MORN2: variants seen among roughly 807,000 people sequenced by gnomAD.
MORN2 encodes the protein MORN repeat containing 2, also known as MORN repeat-containing protein 2.
MORN2 carries 15 observed loss-of-function variants against 13.4 expected under a neutral mutation model. The ratio of observed to expected loss-of-function variants is 1.12; its 90% confidence interval spans 0.75 to 1.72. The LOEUF is 1.72. Ranked by LOEUF, MORN2 falls within the 40% of genes most tolerant of loss-of-function variation. The pLI is 0.00. For synonymous variants in MORN2, 46 were observed against 43.6 expected (o/e 1.06, Z -0.22); for missense variants, 168 against 134.6 (o/e 1.25, Z -1.23).
intron 2 of MORN2, 74 bp from the exon 3 acceptor site, chr2:38,880,526 A>G (rs1665749779): frequency 3.3e-6 from 3 of 899,304 alleles, no homozygotes; most frequent in East Asian, 6.0e-5. Flanking sequence ...AAAGAAACCC[A>G]TGAGGTGTAG....
intron 4 of MORN2, among the ~76,000 whole-genome samples, chr2:38,881,985 C>A (rs889410262): frequency 9.2e-5 from 14 of 152,302 alleles, no homozygotes; most frequent in Admixed American, 3.9e-4. Context: ...TCTAAATATT[C>A]TTTTATGATA....
intron 1 of MORN2, 122 bp downstream of exon 1, chr2:38,876,232 G>A: frequency 2.5e-6 from 1 of 396,948 alleles, no homozygotes; most frequent in Non-Finnish European, 4.4e-6. Flanking sequence ...TTTCCTGACC[G>A]TCTAGCCGAG....
intron 2 of MORN2, 22 bp downstream of exon 2, chr2:38,880,251 T>G (rs1417521453): frequency 7.5e-6 from 3 of 399,212 alleles, no homozygotes; most frequent in Non-Finnish European, 1.3e-5. Context: ...CTTCAATTAC[T>G]TTTTCTGTAT....
At position 38,881,482 on chromosome 2, in the gene MORN2, T is replaced by C. The variant is rs1665776313; in HGVS notation, c.257T>C (p.Val86Ala). 6.5e-7 allele frequency: 1 copy of C among 1,545,456 alleles called. No individual in the cohort carries two copies. Among genetic ancestry groups the C allele is most frequent in the Non-Finnish European group, 8.7e-7 (1 of 1,145,008 alleles). ...AGACTTGAGCATTTTTCAGGAGCAG[T>C]ATATGAAGGACAATTTAAGGATAAT... Residue 86 changes from valine to alanine, a missense_variant, in exon 4 of 5, where the codon GTA (valine) becomes GCA (alanine). Physicochemically the swap from Val to Ala is moderately conservative, Grantham distance 64. Transcript: ENST00000644631.
chr2:38,880,002 G>A lies in MORN2; in HGVS notation c.59-177G>A, dbSNP rs149637020. ...GGTATAGGTCTTATGACATAAGAAT[G>A]TTTACACTTGGTTGGGTGTGGTGGC... On this transcript the variant is annotated intron_variant, in intron 1 of 4. Coordinates refer to ENST00000644631, the MANE Select transcript of MORN2 (RefSeq NM_001145450.3). Among the ~76,000 whole-genome samples, 884 of 152,322 alleles carry A rather than the reference G, an allele frequency of 5.8e-3. 12 individuals carry two copies. Among genetic ancestry groups the A allele is most frequent in the African/African-American group, 0.02 (812 of 41,572 alleles).
At position 38,876,211 on chromosome 2, in the gene MORN2, G is replaced by T. The variant is rs528620199; in HGVS notation, c.58+101G>T. 171 of 398,158 alleles carry T rather than the reference G, an allele frequency of 4.3e-4. 3 individuals carry two copies. The East Asian group carries it at 5.4e-3, about 13-fold the overall frequency. 24.7% of individuals were successfully genotyped at this position (398,158 alleles called of 1,614,324 possible). ...CTTGGCTCCCGGTAACTCCTGTGGGGGTGTGATATATTTCCTGACCGTCTA... is the reference window on the plus strand; with the variant it reads ...CTTGGCTCCCGGTAACTCCTGTGGGTGTGTGATATATTTCCTGACCGTCTA... On this transcript the variant is annotated intron_variant, in intron 1 of 4. Coordinates refer to ENST00000644631, the MANE Select transcript of MORN2 (RefSeq NM_001145450.3).
rs1178282457 is a variant in MORN2 at position 38,881,592 on chromosome 2, A to T, written c.353+14A>T. The T allele has an allele frequency of 6.5e-6, 9 of 1,393,376 alleles. No individual in the cohort carries two copies. In the East Asian group the frequency reaches 2.2e-4, roughly 34 times the overall value. 86.3% of individuals were successfully genotyped at this position (1,393,376 alleles called of 1,614,324 possible). A position where few individuals can be genotyped will look rare whatever the true frequency, so the allele number is the denominator to read the frequency against. On this transcript the variant is annotated intron_variant, in intron 4 of 4. Coordinates refer to ENST00000644631, the MANE Select transcript of MORN2 (RefSeq NM_001145450.3). ...CAATGAAAATAGGTAAGCTTAAAATAAAAAAAAATCACTGCATTTCTAAAA... is the reference window on the plus strand; with the variant it reads ...CAATGAAAATAGGTAAGCTTAAAATTAAAAAAAATCACTGCATTTCTAAAA...
intron 1 of MORN2, among the ~76,000 whole-genome samples, chr2:38,876,660 A>G (rs2124964525): frequency 6.6e-6 from 1 of 152,280 alleles, no homozygotes; most frequent in African/African-American, 2.4e-5. Context: ...ATAGAACCTT[A>G]AGTACTACAG....
intron 4 of MORN2, among the ~76,000 whole-genome samples, chr2:38,881,791 C>T (rs553391563): frequency 4.7e-4 from 72 of 152,248 alleles, no homozygotes; most frequent in African/African-American, 1.7e-3. Flanking sequence ...GCTGGGTCCA[C>T]AGATGTGCAC....
At chr2:38,881,192 T>A (rs1183606815) in intron 3 of MORN2, among the ~76,000 whole-genome samples, 1 of 152,204 alleles carries the variant, frequency 6.6e-6, no homozygotes, top group Non-Finnish European at 1.5e-5. Flanking sequence ...AGGACCCCTA[T>A]TTATCTTCAT....
At chr2:38,878,768 T>C (rs1403638762) in intron 1 of MORN2, among the ~76,000 whole-genome samples, 1 of 152,220 alleles carries the variant, frequency 6.6e-6, no homozygotes, top group African/African-American at 2.4e-5. Flanking sequence ...CCTTTCTCTC[T>C]GAGGATGTTA....
intron 1 of MORN2, among the ~76,000 whole-genome samples, chr2:38,877,795 T>A (rs1374687906): frequency 6.6e-6 from 1 of 151,258 alleles, no homozygotes; most frequent in African/African-American, 2.4e-5. Flanking sequence ...AAACTTAATT[T>A]TTTTTATTTT....
intron 1 of MORN2, among the ~76,000 whole-genome samples, chr2:38,879,838 A>G (rs1461092788): frequency 1.3e-5 from 2 of 152,234 alleles, no homozygotes; most frequent in African/African-American, 4.8e-5. Flanking sequence ...ATCATAATAA[A>G]TAAATTTTAA....
At chr2:38,878,854 C>G (rs1291303092) in intron 1 of MORN2, among the ~76,000 whole-genome samples, 19 of 152,204 alleles carry the variant, frequency 1.2e-4, no homozygotes, top group South Asian at 2.1e-4. Flanking sequence ...CAAGTGGTAC[C>G]TAAATTAATT....
chr2:38,882,355 A>T (rs1179268516), intron 4 of MORN2, 58 bp from the exon 5 acceptor site: 7 of 1,118,280 alleles, frequency 6.3e-6, no homozygotes, highest in Admixed American at 6.2e-5. Context: ...AAAATCTTAT[A>T]TCTGGACTGT....
rs1665800523 is a variant in MORN2 at position 38,882,478 on chromosome 2, C to CAGCT, written c.420_423dup (p.Ala142SerfsTer18). The CAGCT allele has an allele frequency of 6.4e-7, 1 of 1,550,682 alleles. No homozygotes were observed. Among genetic ancestry groups the CAGCT allele is most frequent in the Non-Finnish European group, 8.7e-7 (1 of 1,146,374 alleles). On this transcript the variant is annotated frameshift_variant, in exon 5 of 5. Transcript: ENST00000644631. LOFTEE classifies it high-confidence loss of function. ...GAATGGAGTGGTAACTTTCATTTTA[C>CAGCT]AGCTGCTCCAGACCTGAAATTAAAG...
chr2:38,881,710 G>A, intron 4 of MORN2, 132 bp downstream of exon 4: 2 of 724,026 alleles, frequency 2.8e-6, no homozygotes, highest in Non-Finnish European at 4.1e-6. Context: ...GAGTGCAGTG[G>A]AGTGATCTCG....
In MORN2 at chr2:38,876,046, C is replaced by T; in HGVS notation, c.-7C>T. The T allele has an allele frequency of 5.0e-6, 2 of 398,708 alleles. No individual in the cohort carries two copies. The highest frequency in any genetic ancestry group is 8.8e-6 in the Non-Finnish European group (2 of 226,150). The allele number at this position is 398,708 out of a possible 1,614,324, so 24.7% of individuals were successfully genotyped here. ...TCCTAGCGCCTAGTTCTCTCCCGGC[C>T]GCAGAGCTGGCCGCCCAGGGGGAGT... On this transcript the variant is annotated 5_prime_UTR_variant, in exon 1 of 5. Transcript: ENST00000644631.
At chr2:38,876,164 A>G in intron 1 of MORN2, 54 bp downstream of exon 1, 1 of 398,716 alleles carries the variant, frequency 2.5e-6, no homozygotes, top group Non-Finnish European at 4.4e-6. Flanking sequence ...TTTAAGTCGA[A>G]CTAGCGTGGA....
Sources: gnomAD v4.1 joint callset for allele counts (sites outside exome capture counted in the v4.1 genomes callset) on GRCh38, gnomAD v4.1.1 for gene constraint, MANE v1.5 for transcripts, NCBI Gene and HGNC (gene_info 2026-07-23, HGNC 2026-07-21) for gene names.